The following CRACD variants were observed in gnomAD, a reference collection of about 807,000 sequenced individuals.
CRACD encodes the protein capping protein inhibiting regulator of actin dynamics, also known as capping protein-inhibiting regulator of actin dynamics.
In CRACD, 56 loss-of-function variants were observed where a neutral mutation model predicts 106.8. That is an observed-to-expected ratio of 0.52 (90% CI 0.42 to 0.66). The LOEUF (loss-of-function observed/expected upper bound fraction) is 0.66, where lower values mean the gene tolerates loss of function less well. Among genes scored for constraint, CRACD ranks in the 30% least tolerant of loss-of-function variants. CRACD has a pLI of 0.00. For missense variants in CRACD, 1,730 were observed against 1,623.2 expected (o/e 1.07, Z -1.13); for synonymous variants, 754 against 670.8 (o/e 1.12, Z -1.92).
chr4:56,298,424 G>C, intron 4 of CRACD, 75 bp downstream of exon 4: 2 of 1,573,894 alleles, frequency 1.3e-6, no homozygotes, highest in Non-Finnish European at 1.7e-6. Context: ...AAAGTCCCGA[G>C]CTTGGCCTTG....
At chr4:56,088,147 T>C (rs1189167422) in intron 1 of CRACD, among the ~76,000 whole-genome samples, 2 of 151,774 alleles carry the variant, frequency 1.3e-5, no homozygotes, top group Non-Finnish European at 2.9e-5. Flanking sequence ...TTTTTTTTTT[T>C]TTCTTTTCAG....
At chr4:56,280,528 C>T (rs192748286) in intron 3 of CRACD, among the ~76,000 whole-genome samples, 2 of 152,338 alleles carry the variant, frequency 1.3e-5, no homozygotes, top group Admixed American at 6.5e-5. Context: ...CTCACAACTT[C>T]CTTGACCTTT....
chr4:56,323,308 G>A, intron 8 of CRACD, 69 bp from the exon 9 acceptor site: 1 of 1,359,396 alleles, frequency 7.4e-7, no homozygotes, highest in Non-Finnish European at 1.0e-6. Context: ...CAAGTTTTAG[G>A]GGGTGAGGAA....
chr4:56,308,240 T>C (rs1339825287), intron 5 of CRACD, among the ~76,000 whole-genome samples: 1 of 152,138 alleles, frequency 6.6e-6, no homozygotes, highest in Non-Finnish European at 1.5e-5. Context: ...CTCCATGAGA[T>C]AGAAGACATC....
At chr4:56,128,840 C>A (rs1734737756) in intron 1 of CRACD, among the ~76,000 whole-genome samples, 1 of 152,002 alleles carries the variant, frequency 6.6e-6, no homozygotes, top group African/African-American at 2.4e-5. Flanking sequence ...TGGAAAATCC[C>A]TAAAGATAGT....
chr4:56,322,219 T>C (rs1746149286), intron 8 of CRACD, among the ~76,000 whole-genome samples: 1 of 152,232 alleles, frequency 6.6e-6, no homozygotes, highest in African/African-American at 2.4e-5. Flanking sequence ...TGCCAAGAAC[T>C]GTTGTAAATG....
At chr4:56,248,006 C>T (rs1318949538) in intron 2 of CRACD, among the ~76,000 whole-genome samples, 1 of 152,032 alleles carries the variant, frequency 6.6e-6, no homozygotes, top group East Asian at 1.9e-4. Flanking sequence ...GTATGGTATA[C>T]CCAAGGAAAT....
intron 2 of CRACD, among the ~76,000 whole-genome samples, chr4:56,209,582 T>A (rs1374507206): frequency 1.3e-5 from 2 of 152,158 alleles, no homozygotes; most frequent in Non-Finnish European, 2.9e-5. Flanking sequence ...ATTATTAAAT[T>A]ATTCTATAAA....
intron 2 of CRACD, among the ~76,000 whole-genome samples, chr4:56,250,873 C>A (rs1193055708): frequency 6.6e-6 from 1 of 152,174 alleles, no homozygotes; most frequent in Non-Finnish European, 1.5e-5. Flanking sequence ...CCCCTTGCAA[C>A]CAACTTCATT....
At chr4:56,164,266 C>T (rs1736063097) in intron 1 of CRACD, among the ~76,000 whole-genome samples, 1 of 151,876 alleles carries the variant, frequency 6.6e-6, no homozygotes, top group African/African-American at 2.4e-5. Flanking sequence ...TCCCCAGTAG[C>T]TGGGACTACA....
intron 1 of CRACD, among the ~76,000 whole-genome samples, chr4:56,157,254 G>A (rs1299032208): frequency 6.6e-6 from 1 of 152,120 alleles, no homozygotes; most frequent in Non-Finnish European, 1.5e-5. Context: ...GATCACTTGA[G>A]GCCAGGAGTT....
intron 1 of CRACD, among the ~76,000 whole-genome samples, chr4:56,080,147 A>G (rs1732974145): frequency 6.6e-6 from 1 of 152,220 alleles, no homozygotes; most frequent in African/African-American, 2.4e-5. Flanking sequence ...GTTCAAGTCC[A>G]GCCTGGGTAA....
At chr4:56,312,155 T>C (rs1405617385) in intron 6 of CRACD, among the ~76,000 whole-genome samples, 2 of 152,104 alleles carry the variant, frequency 1.3e-5, no homozygotes, top group South Asian at 2.1e-4. Flanking sequence ...TTTGGAGCGA[T>C]TGTACCAAAA....
At chr4:56,179,584 T>C (rs768594678) in intron 2 of CRACD, among the ~76,000 whole-genome samples, 154 bp downstream of exon 2, 3 of 152,186 alleles carry the variant, frequency 2.0e-5, no homozygotes, top group Non-Finnish European at 4.4e-5. Flanking sequence ...TAATCCTAGA[T>C]TGCATTCCCA....
At chr4:56,326,348 AAAAG>A (rs1248023681) in intron 10 of CRACD, among the ~76,000 whole-genome samples, 2 of 152,214 alleles carry the variant, frequency 1.3e-5, no homozygotes, top group Non-Finnish European at 2.9e-5. Flanking sequence ...AAGAGTGAGA[AAAAG>A]AGAGAGAATG....
chr4:56,222,482 A>G (rs1212999259), intron 2 of CRACD, among the ~76,000 whole-genome samples: 1 of 152,204 alleles, frequency 6.6e-6, no homozygotes, highest in African/African-American at 2.4e-5. Flanking sequence ...CTCAGAATTC[A>G]CCACTATATA....
At chr4:56,247,086 G>T (rs1301982978) in intron 2 of CRACD, among the ~76,000 whole-genome samples, 1 of 152,162 alleles carries the variant, frequency 6.6e-6, no homozygotes, top group African/African-American at 2.4e-5. Context: ...ACTAGGACAA[G>T]GGAGTTGCAA....
At chr4:56,099,741 G>T (rs1386207047) in intron 1 of CRACD, among the ~76,000 whole-genome samples, 2 of 152,134 alleles carry the variant, frequency 1.3e-5, no homozygotes, top group Non-Finnish European at 2.9e-5. Context: ...GGACAGGCTG[G>T]CCAACTGTGC....
At chr4:56,104,804 A>G (rs1385625192) in intron 1 of CRACD, among the ~76,000 whole-genome samples, 1 of 151,878 alleles carries the variant, frequency 6.6e-6, no homozygotes, top group Admixed American at 6.6e-5. Context: ...TGTCTCTACT[A>G]AAAATACAAA....
Sources: allele counts gnomAD v4.1 joint callset (sites outside exome capture counted in the v4.1 genomes callset), GRCh38; gene constraint gnomAD v4.1.1; transcripts MANE v1.5; gene names NCBI Gene and HGNC (gene_info 2026-07-23, HGNC 2026-07-21).